The following SH3RF3 variants were observed in gnomAD, a reference collection of about 807,000 sequenced individuals.
SH3RF3 encodes the protein SH3 domain containing ring finger 3, also known as E3 ubiquitin-protein ligase SH3RF3.
Under a neutral mutation model 66.3 loss-of-function variants are expected in SH3RF3, and 29 were observed. The ratio of observed to expected loss-of-function variants is 0.44; its 90% confidence interval spans 0.33 to 0.60. SH3RF3 has a LOEUF of 0.60. SH3RF3 is among the 20% of genes least tolerant of loss of function. SH3RF3 has a pLI of 0.04. For synonymous variants in SH3RF3, 583 were observed against 532.0 expected, an observed-to-expected ratio of 1.10 and a Z score of -1.32; for missense variants, 1,194 against 1,190.9, an observed-to-expected ratio of 1.00 and a Z score of -0.04.
intron 4 of SH3RF3, among the ~76,000 whole-genome samples, chr2:109,405,175 C>G (rs1413649013): frequency 1.3e-5 from 2 of 152,164 alleles, no homozygotes; most frequent in Non-Finnish European, 2.9e-5. Flanking sequence ...TCTTCTCCAA[C>G]TACCTGCTGG....
intron 8 of SH3RF3, among the ~76,000 whole-genome samples, chr2:109,469,386 A>G (rs567377964): frequency 6.6e-6 from 1 of 152,120 alleles, no homozygotes; most frequent in Non-Finnish European, 1.5e-5. Context: ...TTGGGGCCAG[A>G]ACTGCCTGCC....
intron 1 of SH3RF3, among the ~76,000 whole-genome samples, chr2:109,133,665 C>T (rs1247869409): frequency 2.0e-5 from 3 of 151,708 alleles, no homozygotes; most frequent in Admixed American, 6.6e-5. Context: ...CCTGATTTGA[C>T]CATTTTGTTA....
intron 1 of SH3RF3, among the ~76,000 whole-genome samples, chr2:109,163,687 C>CA (rs1169876782): frequency 6.6e-6 from 1 of 152,162 alleles, no homozygotes; most frequent in Non-Finnish European, 1.5e-5. Context: ...GCGTGAGCCA[C>CA]CGCGCCTGGC....
At chr2:109,481,838 G>C (rs1181317987) in intron 8 of SH3RF3, among the ~76,000 whole-genome samples, 1 of 152,098 alleles carries the variant, frequency 6.6e-6, no homozygotes, top group African/African-American at 2.4e-5. Flanking sequence ...GGGGCAAGGT[G>C]CCTGCCCAGG....
At chr2:109,392,987 T>C (rs1322040181) in intron 3 of SH3RF3, among the ~76,000 whole-genome samples, 1 of 152,170 alleles carries the variant, frequency 6.6e-6, no homozygotes, top group East Asian at 1.9e-4. Context: ...CGCCCCTGCT[T>C]AGTCTCCTGA....
At chr2:109,347,221 G>C (rs762870233) in intron 1 of SH3RF3, among the ~76,000 whole-genome samples, 1 of 152,228 alleles carries the variant, frequency 6.6e-6, no homozygotes, top group African/African-American at 2.4e-5. Context: ...ATAGGAGCCA[G>C]TGGAAAATGA....
chr2:109,199,258 C>G (rs1202750862), intron 1 of SH3RF3, among the ~76,000 whole-genome samples: 1 of 69,758 alleles, frequency 1.4e-5, no homozygotes, highest in African/African-American at 5.7e-5. Context: ...ACGGGAGGTG[C>G]TTGCAGTGAG....
chr2:109,259,439 G>C (rs573506600), intron 1 of SH3RF3, among the ~76,000 whole-genome samples: 4 of 152,262 alleles, frequency 2.6e-5, no homozygotes, highest in Admixed American at 2.6e-4. Context: ...GCTGGGTTGT[G>C]TGACGGTGGT....
At chr2:109,278,438 T>C (rs1680809884) in intron 1 of SH3RF3, among the ~76,000 whole-genome samples, 1 of 152,198 alleles carries the variant, frequency 6.6e-6, no homozygotes, top group Non-Finnish European at 1.5e-5. Flanking sequence ...TTCAGTGTTG[T>C]CTGTTCAGCT....
intron 1 of SH3RF3, among the ~76,000 whole-genome samples, chr2:109,140,393 T>G (rs1453513088): frequency 2.0e-5 from 3 of 152,168 alleles, no homozygotes. Flanking sequence ...TGCCTTTTTT[T>G]TTTTAGAGAC....
intron 5 of SH3RF3, among the ~76,000 whole-genome samples, chr2:109,425,446 G>A (rs941324640): frequency 2.0e-5 from 3 of 152,214 alleles, no homozygotes; most frequent in Admixed American, 2.0e-4. Context: ...TAGCTAGAGA[G>A]GAGATATCAA....
intron 9 of SH3RF3, among the ~76,000 whole-genome samples, chr2:109,492,476 A>G (rs1372487053): frequency 1.3e-5 from 2 of 152,280 alleles, no homozygotes; most frequent in South Asian, 2.1e-4. Context: ...CACAGGGGTG[A>G]CGTTCAGAAC....
chr2:109,156,083 G>A (rs1461425947), intron 1 of SH3RF3, among the ~76,000 whole-genome samples: 2 of 152,186 alleles, frequency 1.3e-5, no homozygotes, highest in African/African-American at 4.8e-5. Flanking sequence ...TCTCCTCTTT[G>A]GCTGCCACTT....
chr2:109,321,125 C>T (rs151273966), intron 1 of SH3RF3, among the ~76,000 whole-genome samples: 42 of 152,328 alleles, frequency 2.8e-4, no homozygotes, highest in Admixed American at 5.2e-4. Flanking sequence ...GAAAGACTCA[C>T]GGACACACAA....
intron 1 of SH3RF3, among the ~76,000 whole-genome samples, chr2:109,155,587 C>T (rs970321862): frequency 1.4e-4 from 21 of 152,182 alleles, no homozygotes; most frequent in Non-Finnish European, 2.5e-4. Context: ...AGGCCTGAGC[C>T]ACCGTGCCTG....
Position 109,129,736 on chromosome 2 carries a change from A to C in SH3RF3, c.196A>C (p.Thr66Pro). 6.5e-7 allele frequency: 1 copy of C among 1,538,954 alleles called. No individual in the cohort carries two copies. Among genetic ancestry groups the C allele is most frequent in the Non-Finnish European group, 8.7e-7 (1 of 1,145,236 alleles). ...CTCCGTGTGTCTGGAGCGCCTGGAC[A>C]CCACGGCCAAGGTGCTGCCATGCCA... ...ECSVCLERLD[T>P]TAKVLPCQHT... The change falls in exon 1 of 10, where the codon ACC (threonine) becomes CCC (proline). Residue 66 changes from threonine (T) to proline (P), a missense_variant. Physicochemically the swap from Thr to Pro is conservative, Grantham distance 38 (BLOSUM62 -1). Transcript: ENST00000309415.
chr2:109,346,098 C>T (rs532078751), intron 1 of SH3RF3, among the ~76,000 whole-genome samples: 91 of 152,314 alleles, frequency 6.0e-4, no homozygotes, highest in African/African-American at 2.1e-3. Flanking sequence ...CCCTTGCCTC[C>T]GCTCTCTAAA....
chr2:109,271,790 T>C (rs1450167828), intron 1 of SH3RF3, among the ~76,000 whole-genome samples: 1 of 152,252 alleles, frequency 6.6e-6, no homozygotes, highest in African/African-American at 2.4e-5. Context: ...AGGCCCACAA[T>C]GTATCTGACT....
In SH3RF3 at chr2:109,420,591, G is replaced by A. The variant is rs573211429; in HGVS notation, c.1403+949G>A. Among the ~76,000 whole-genome samples, 1,022 of 152,204 alleles carry A rather than the reference G, an allele frequency of 6.7e-3. 2 individuals carry two copies. Among genetic ancestry groups the A allele is most frequent in the Non-Finnish European group, 0.011 (753 of 68,008 alleles). ...CTCCCAAGTAGCTGGGACTACAGGT[G>A]CCAGCCACCACGCCTGGCTAAATTT... On this transcript the variant is annotated intron_variant, in intron 5 of 9. Transcript: ENST00000309415.
Sources: allele counts gnomAD v4.1 joint callset (sites outside exome capture counted in the v4.1 genomes callset), GRCh38; gene constraint gnomAD v4.1.1; transcripts MANE v1.5; gene names NCBI Gene and HGNC (gene_info 2026-07-23, HGNC 2026-07-21).